Variants in PLG observed in about 807,000 individuals in gnomAD.
PLG encodes the protein plasminogen.
Under a neutral mutation model 104.4 loss-of-function variants are expected in PLG, and 41 were observed. The ratio of observed to expected loss-of-function variants is 0.39; its 90% CI spans 0.31 to 0.51. The LOEUF (loss-of-function observed/expected upper bound fraction) is 0.51. Ranked by LOEUF, PLG falls within the 20% of genes least tolerant of loss-of-function variation. The pLI, the probability that PLG is intolerant of heterozygous loss-of-function variation, is 0.76. For missense variants in PLG, 891 were observed against 1,003.6 expected (o/e 0.89, Z 1.52); for synonymous variants, 337 against 357.1 (o/e 0.94, Z 0.63).
chr6:160,752,022 G>C lies in PLG; in HGVS notation c.2126-93G>C. 9.1e-7 allele frequency: 1 copy of C among 1,104,312 alleles called. No homozygotes were observed. The highest frequency in any genetic ancestry group is 1.4e-6 in the Non-Finnish European group (1 of 724,678). The allele number at this position is 1,104,312 out of a possible 1,614,324, so 68.4% of individuals were successfully genotyped here. ...CTGCCTCGTGTTCTGCAGCCTCACA[G>C]ACAGGAGGTCCAGTGCCGCTGCTCT... On this transcript the variant is annotated intron_variant, in intron 17 of 18. Coordinates refer to ENST00000308192, the MANE Select transcript of PLG (RefSeq NM_000301.5). This position sits in a 1 kb window ranked among gnomAD's most constrained non-coding sequence, Gnocchi z 4.7.
At chr6:160,702,939 C>CATTT (rs148893249) in intron 1 of PLG, among the ~76,000 whole-genome samples, 21 of 151,718 alleles carry the variant, frequency 1.4e-4, no homozygotes, top group African/African-American at 5.1e-4. Context: ...AACAAATACT[C>CATTT]AGTTGCTTGG....
At chr6:160,702,987 G>A (rs978893705) in intron 1 of PLG, among the ~76,000 whole-genome samples, 6 of 152,158 alleles carry the variant, frequency 3.9e-5, no homozygotes, top group African/African-American at 1.4e-4. Context: ...ATACATACCT[G>A]TGTGTGAATG....
chr6:160,711,407 G>T (rs963993493), intron 4 of PLG: 6 of 722,486 alleles, frequency 8.3e-6, no homozygotes, highest in South Asian at 3.9e-5. Flanking sequence ...ATACTGTATT[G>T]TTTTTATTTG....
Position 160,711,150 on chromosome 6 carries a change from C to A in PLG, c.366C>A (p.Ile122=). 1 of 1,612,110 alleles carries A rather than the reference C, an allele frequency of 6.2e-7. No homozygotes were observed. The highest frequency in any genetic ancestry group is 8.5e-7 in the Non-Finnish European group (1 of 1,178,218). The change falls in exon 4 of 19, where the codon ATC becomes ATA. Residue 122 remains isoleucine, a synonymous_variant. Coordinates refer to ENST00000308192, the MANE Select transcript of PLG (RefSeq NM_000301.5). ...RGTMSKTKNG[I]TCQKWSSTSP... ...CGATGTCCAAAACAAAAAATGGCAT[C>A]ACCTGTCAAAAATGGAGTTCCACTT...
chr6:160,736,782 G>A lies in PLG; in HGVS notation c.1682-105G>A, dbSNP rs568683557. On this transcript the variant is annotated intron_variant, in intron 13 of 18. Transcript: ENST00000308192. This position sits in a 1 kb window ranked among gnomAD's most constrained non-coding sequence, Gnocchi z 5.2. ...AGATGATGATTTTACTATTTAGTTC[G>A]GCCTTTAAGATGTCAAAAACTCAGT... 6.9e-5 allele frequency: 98 copies of A among 1,413,094 alleles called. 1 individual carries two copies. The highest frequency in any genetic ancestry group is 1.8e-4 in the Middle Eastern group (1 of 5,676). The allele number at this position is 1,413,094 out of a possible 1,614,324, so 87.5% of individuals were successfully genotyped here.
In PLG at chr6:160,732,910, A is replaced by C; in HGVS notation, c.1587+1017A>C. On this transcript the variant is annotated intron_variant, in intron 12 of 18. Coordinates refer to ENST00000308192, the MANE Select transcript of PLG (RefSeq NM_000301.5). This position sits in a 1 kb window ranked among gnomAD's most constrained non-coding sequence, Gnocchi z 4.5. ...TATGGAGGCTTCATTACAGAGGCAC[A>C]GTTGAATACATCGTTGGCCATTGGA... 6.6e-6 allele frequency among the ~76,000 whole-genome samples: 1 copy of C among 152,130 alleles called. No individual in the cohort carries two copies. The highest frequency in any genetic ancestry group is 2.1e-4 in the South Asian group (1 of 4,818).
chr6:160,749,721 A>G (rs1301781182), intron 17 of PLG, among the ~76,000 whole-genome samples: 1 of 151,108 alleles, frequency 6.6e-6, no homozygotes, highest in Non-Finnish European at 1.5e-5. Context: ...GATTACCACC[A>G]CCATTAGCAT....
rs1208605571 is a variant in PLG, at chr6:160,719,685, A to G, written c.1096+847A>G. ...TTTAATGGTTTTAGTATTTTCCACA[A>G]TGTTTATAATATACATTTTTGACTT... On this transcript the variant is annotated intron_variant, in intron 9 of 18. Coordinates refer to ENST00000308192, the MANE Select transcript of PLG (RefSeq NM_000301.5). The surrounding 1 kb of genome is among the most constrained non-coding windows in gnomAD (Gnocchi z 4.1). 6.6e-6 allele frequency among the ~76,000 whole-genome samples: 1 copy of G among 152,112 alleles called. No homozygotes were observed. The highest frequency in any genetic ancestry group is 2.4e-5 in the African/African-American group (1 of 41,438).
rs920597500 is a variant in PLG at position 160,723,389 on chromosome 6, A to C, written c.1256+822A>C. On this transcript the variant is annotated intron_variant, in intron 10 of 18. Coordinates refer to ENST00000308192, the MANE Select transcript of PLG (RefSeq NM_000301.5). The surrounding 1 kb of genome is among the most constrained non-coding windows in gnomAD (Gnocchi z 4.7). ...AATATATGGAAAAAACTATTTTTAC[A>C]TATTGGAGAACAGATAAACTGAGAT... Among the ~76,000 whole-genome samples the C allele has an allele frequency of 1.3e-5, 2 of 152,180 alleles. No individual in the cohort carries two copies. Among genetic ancestry groups the C allele is most frequent in the African/African-American group, 4.8e-5 (2 of 41,432 alleles).
At position 160,718,238 on chromosome 6, in the gene PLG, G is replaced by A. The variant is rs1054764832; in HGVS notation, c.788-56G>A. 2.1e-5 allele frequency: 32 copies of A among 1,491,464 alleles called. No homozygotes were observed. The African/African-American group carries it at 2.8e-4, about 13-fold the overall frequency. The allele number at this position is 1,491,464 out of a possible 1,614,324, so 92.4% of individuals were successfully genotyped here. ...CTGACTCCAGCCTGGGCGACAGAGCGAGACTCCGTCTCAAAAAATATATAT... is the reference window on the plus strand; with the variant it reads ...CTGACTCCAGCCTGGGCGACAGAGCAAGACTCCGTCTCAAAAAATATATAT... On this transcript the variant is annotated intron_variant, in intron 7 of 18. Coordinates refer to ENST00000308192, the MANE Select transcript of PLG (RefSeq NM_000301.5).
rs1482460437 is a variant in PLG at position 160,725,105 on chromosome 6, C to T, written c.1256+2538C>T. On this transcript the variant is annotated intron_variant, in intron 10 of 18. Transcript: ENST00000308192. This position sits in a 1 kb window ranked among gnomAD's most constrained non-coding sequence, Gnocchi z 6.3. The stretch of plus-strand genomic sequence containing the variant: ...TGGCACGTGCCTGTAATCCCAGCAA[C>T]TCAGGAGGCTGAGGCAGGAGAATCA... Among the ~76,000 whole-genome samples, 1 of 152,050 alleles carries T rather than the reference C, an allele frequency of 6.6e-6. No homozygotes were observed. The highest frequency in any genetic ancestry group is 2.4e-5 in the African/African-American group (1 of 41,376).
intron 17 of PLG, among the ~76,000 whole-genome samples, chr6:160,749,626 CCAT>C (rs1181810953): frequency 1.3e-4 from 19 of 150,852 alleles, no homozygotes; most frequent in African/African-American, 2.7e-4. Context: ...ATCACCACCA[CCAT>C]CATCACCACC....
intron 1 of PLG, 21 bp downstream of exon 1, chr6:160,702,374 A>G (rs1777433243): frequency 1.9e-6 from 3 of 1,539,846 alleles, no homozygotes; most frequent in Non-Finnish European, 2.7e-6. Flanking sequence ...GTTTTTTTAA[A>G]TTATAAGAAT....
At chr6:160,746,375 G>C (rs778466605) in intron 17 of PLG, among the ~76,000 whole-genome samples, 1 of 152,142 alleles carries the variant, frequency 6.6e-6, no homozygotes, top group Non-Finnish European at 1.5e-5. Context: ...CAGAAAGCCA[G>C]TCTTCCATTT....
At chr6:160,721,912 C>A (rs984016595) in intron 9 of PLG, among the ~76,000 whole-genome samples, 13 of 152,230 alleles carry the variant, frequency 8.5e-5, no homozygotes, top group Non-Finnish European at 1.3e-4. Flanking sequence ...CTCCACCACT[C>A]TCTGAGAAGC....
rs544953044 is a variant in PLG, at chr6:160,735,336, C to T, written c.1681+1248C>T. ...ATTTTCTTGCCTCAGACCCCACTACCGTGCCTGGGACTCATGCACCTTTGA... is the reference window on the plus strand; with the variant it reads ...ATTTTCTTGCCTCAGACCCCACTACTGTGCCTGGGACTCATGCACCTTTGA... On this transcript the variant is annotated intron_variant, in intron 13 of 18. Coordinates refer to ENST00000308192, the MANE Select transcript of PLG (RefSeq NM_000301.5). The surrounding 1 kb of genome is among the most constrained non-coding windows in gnomAD (Gnocchi z 5.4). 1.3e-4 allele frequency among the ~76,000 whole-genome samples: 20 copies of T among 152,222 alleles called. No homozygotes were observed. The highest frequency in any genetic ancestry group is 4.1e-4 in the African/African-American group (17 of 41,556).
intron 6 of PLG, among the ~76,000 whole-genome samples, 164 bp from the exon 7 acceptor site, chr6:160,716,481 C>T (rs188946797): frequency 7.3e-4 from 111 of 152,280 alleles, no homozygotes; most frequent in Admixed American, 4.7e-3. Flanking sequence ...CAGGGCCAAC[C>T]TTGTTTCCTT....
chr6:160,733,674 T>C (rs935696257), intron 12 of PLG, among the ~76,000 whole-genome samples: 15 of 151,510 alleles, frequency 9.9e-5, no homozygotes, highest in African/African-American at 2.9e-4. Flanking sequence ...ACCTCATCTC[T>C]ACTGAAAATA....
rs969622721 is a variant in PLG, at chr6:160,741,189, T to C, written c.2019-122T>C. 133 of 737,814 alleles carry C rather than the reference T, an allele frequency of 1.8e-4. No homozygotes were observed. In the Admixed American group the frequency reaches 2.4e-3, roughly 14 times the overall value. 45.7% of individuals were successfully genotyped at this position (737,814 alleles called of 1,614,324 possible). ...ACTCTGTGTTCTACGTTGCTCTGTG[T>C]CAGTGAAGCAAGGCAGTGCCAGTTC... On this transcript the variant is annotated intron_variant, in intron 16 of 18. Coordinates refer to ENST00000308192, the MANE Select transcript of PLG (RefSeq NM_000301.5). The surrounding 1 kb of genome is among the most constrained non-coding windows in gnomAD (Gnocchi z 4.7).
Sources: gnomAD v4.1 joint callset for allele counts (sites outside exome capture counted in the v4.1 genomes callset) on GRCh38, gnomAD v4.1.1 for gene constraint, Gnocchi (gnomAD v3.1) non-coding constraint, MANE v1.5 for transcripts, NCBI Gene and HGNC (gene_info 2026-07-23, HGNC 2026-07-21) for gene names.